ERBB4: variants seen among roughly 807,000 people sequenced by gnomAD.
ERBB4 encodes erb-b2 receptor tyrosine kinase 4, also known as receptor tyrosine-protein kinase erbB-4.
In ERBB4, 42 loss-of-function variants were observed where a neutral mutation model predicts 158.0. The observed-to-expected ratio is 0.27, with a 90% CI of 0.21 to 0.34. The LOEUF (loss-of-function observed/expected upper bound fraction) is 0.34, where lower values mean the gene tolerates loss of function less well. ERBB4 is among the 10% of genes least tolerant of loss of function. The pLI, the probability that ERBB4 is intolerant of heterozygous loss-of-function variation, is 1.00. For synonymous variants in ERBB4, 583 were observed against 558.7 expected (o/e 1.04, Z -0.61); for missense variants, 1,333 against 1,624.1 (o/e 0.82, Z 3.08).
intron 20 of ERBB4, among the ~76,000 whole-genome samples, chr2:211,486,879 T>C (rs1287336902): frequency 6.6e-6 from 1 of 152,090 alleles, no homozygotes; most frequent in Admixed American, 6.6e-5. Flanking sequence ...TTTTGTTTTA[T>C]TCAGGTTGAT....
In ERBB4 at chr2:212,198,877, C is replaced by T. The variant is rs72941705; in HGVS notation, c.83-73974G>A. ...GGATTACAGACATGAACCACCACACCTAGCCTATAACACATTTTTTATCCC... is the reference window on the plus strand; with the variant it reads ...GGATTACAGACATGAACCACCACACTTAGCCTATAACACATTTTTTATCCC... On this transcript the variant is annotated intron_variant, in intron 1 of 27. Coordinates refer to ENST00000342788, the MANE Select transcript of ERBB4 (RefSeq NM_005235.3). Among the ~76,000 whole-genome samples, 1,371 of 152,070 alleles carry T rather than the reference C, an allele frequency of 9.0e-3. 14 individuals carry two copies. The highest frequency in any genetic ancestry group is 0.013 in the Non-Finnish European group (857 of 67,980).
intron 1 of ERBB4, among the ~76,000 whole-genome samples, chr2:212,450,652 T>C (rs1159851365): frequency 6.6e-6 from 1 of 152,126 alleles, no homozygotes; most frequent in African/African-American, 2.4e-5. Context: ...TTTGAGCCAC[T>C]ATGTTCTTAG....
Position 212,091,107 on chromosome 2 carries a change from T to G in ERBB4, c.234+33645A>C, listed in dbSNP as rs142189349. The stretch of plus-strand genomic sequence containing the variant: ...CCTGACTTTCTGTATACAAAATGTG[T>G]AAATGTCTATACAGAAAACAGAATG... On this transcript the variant is annotated intron_variant, in intron 2 of 27. Coordinates refer to ENST00000342788, the MANE Select transcript of ERBB4 (RefSeq NM_005235.3). Among the ~76,000 whole-genome samples the G allele has an allele frequency of 9.7e-4, 148 of 151,998 alleles. 1 individual carries two copies. The highest frequency in any genetic ancestry group is 3.1e-3 in the African/African-American group (129 of 41,446).
chr2:211,732,010 A>ATT lies in ERBB4; in HGVS notation c.623-6818_623-6817dup, dbSNP rs111911983. 3.4e-5 allele frequency among the ~76,000 whole-genome samples: 5 copies of ATT among 146,700 alleles called. No individual in the cohort carries two copies. In the East Asian group the frequency reaches 7.9e-4, roughly 23 times the overall value. On this transcript the variant is annotated intron_variant, in intron 5 of 27. Transcript: ENST00000342788. ...GTCTGGGGAAGGTGTCAGAAAATTC[A>ATT]TTTTTTTTTTTTATTTGGAGCCTTA...
chr2:212,528,690 A>C (rs545582849), intron 1 of ERBB4, among the ~76,000 whole-genome samples: 6 of 152,184 alleles, frequency 3.9e-5, no homozygotes, highest in Non-Finnish European at 8.8e-5. Context: ...GTTCTTTAGA[A>C]TCTGGTAACC....
chr2:211,851,847 AAG>A (rs1486567938), intron 3 of ERBB4, among the ~76,000 whole-genome samples: 1 of 151,878 alleles, frequency 6.6e-6, no homozygotes, highest in Non-Finnish European at 1.5e-5. Flanking sequence ...TCAAAAGCTA[AAG>A]AGATATGAGC....
At chr2:212,095,569 T>C (rs151030912) in intron 2 of ERBB4, among the ~76,000 whole-genome samples, 141 of 152,276 alleles carry the variant, frequency 9.3e-4, no homozygotes, top group African/African-American at 3.3e-3. Context: ...TGTGACTCGA[T>C]TGCTAATGAA....
rs150757966 is a variant in ERBB4 at position 211,947,469 on chromosome 2, T to C, written c.382A>G (p.Asn128Asp). The C allele has an allele frequency of 1.2e-6, 2 of 1,613,790 alleles. No homozygotes were observed. The highest frequency in any genetic ancestry group is 8.5e-7 in the Non-Finnish European group (1 of 1,179,916). Residue 128 changes from asparagine to aspartate, a missense_variant, in exon 3 of 28, where the codon AAC (asparagine) becomes GAC (aspartate). By Grantham distance (23) the Asn-to-Asp change is conservative. This residue lies in a region of ERBB4 where 438 missense variants were observed against 586.9 expected (regional missense o/e 0.75). Transcript: ENST00000342788. The stretch of plus-strand genomic sequence containing the variant: ...AATCCAAGTTCTTGAAGTCCAAAGT[T>C]TCCATCTTTTCTGTAGTTTAAAAAT... ...AIFLNYRKDG[N>D]FGLQELGLKN...
intron 19 of ERBB4, among the ~76,000 whole-genome samples, chr2:211,578,616 A>G (rs1313567901): frequency 1.3e-5 from 2 of 152,160 alleles, no homozygotes; most frequent in Admixed American, 1.3e-4. Context: ...ACATAGACCA[A>G]TGGAACAGAA....
At chr2:212,536,596 C>T (rs555180608) in intron 1 of ERBB4, among the ~76,000 whole-genome samples, 1 of 152,150 alleles carries the variant, frequency 6.6e-6, no homozygotes, top group African/African-American at 2.4e-5. Flanking sequence ...CGAGAAGAGA[C>T]GAAGCGAGGG....
At chr2:211,684,008 G>A (rs780625919) in intron 12 of ERBB4, among the ~76,000 whole-genome samples, 23 of 151,660 alleles carry the variant, frequency 1.5e-4, no homozygotes, top group African/African-American at 3.6e-4. Context: ...ATGTTTCTTC[G>A]TATTTTTGAC....
chr2:211,877,969 A>T (rs551446056), intron 3 of ERBB4, among the ~76,000 whole-genome samples: 1 of 152,206 alleles, frequency 6.6e-6, no homozygotes, highest in South Asian at 2.1e-4. Flanking sequence ...TTAGCGTGGC[A>T]TGGTGGTGGG....
intron 25 of ERBB4, among the ~76,000 whole-genome samples, chr2:211,405,653 T>A (rs1406194587): frequency 6.6e-6 from 1 of 152,172 alleles, no homozygotes; most frequent in Non-Finnish European, 1.5e-5. Flanking sequence ...GAAATTCACA[T>A]TTCCTGCCTT....
rs139718341 is a variant in ERBB4 at position 211,377,952 on chromosome 2, G to C, written c.*5663C>G. ...AGTTCACTTAAACAGTGTCCAAATTGCTAGAATCTCTTATGAAAAAATCAG... is the reference window on the plus strand; with the variant it reads ...AGTTCACTTAAACAGTGTCCAAATTCCTAGAATCTCTTATGAAAAAATCAG... On this transcript the variant is annotated 3_prime_UTR_variant, in exon 28 of 28. Transcript: ENST00000342788. 208 of 232,808 alleles carry C rather than the reference G, an allele frequency of 8.9e-4. No homozygotes were observed. Among genetic ancestry groups the C allele is most frequent in the African/African-American group, 4.1e-3 (187 of 45,398 alleles). The allele number at this position is 232,808 out of a possible 1,614,324, so 14.4% of individuals were successfully genotyped here.
intron 1 of ERBB4, among the ~76,000 whole-genome samples, chr2:212,152,873 GA>G (rs753338112): frequency 1.6e-4 from 24 of 152,264 alleles, no homozygotes; most frequent in Non-Finnish European, 2.9e-4. Context: ...CTGGTCAACA[GA>G]ATGTACACAG....
In ERBB4 at chr2:211,775,128, T is replaced by C. The variant is rs149715215; in HGVS notation, c.556+12897A>G. ...CTTACAGGGGAATTAAGTAATTCTT[T>C]GGGTAAGTTTAAAATTGAACTAAGG... is the stretch of plus-strand genomic sequence containing the variant. On this transcript the variant is annotated intron_variant, in intron 4 of 27. Transcript: ENST00000342788. Among the ~76,000 whole-genome samples the C allele has an allele frequency of 6.8e-4, 104 of 152,300 alleles. 1 individual carries two copies. The highest frequency in any genetic ancestry group is 2.3e-3 in the African/African-American group (97 of 41,568).
At chr2:212,538,337 T>C in intron 1 of ERBB4, 112 bp downstream of exon 1, 1 of 926,504 alleles carries the variant, frequency 1.1e-6, no homozygotes, top group South Asian at 1.3e-5. Context: ...GAGGCCCCGG[T>C]CAAGCGGTCC....
intron 20 of ERBB4, among the ~76,000 whole-genome samples, chr2:211,543,151 C>A (rs2066858271): frequency 6.6e-6 from 1 of 151,770 alleles, no homozygotes; most frequent in African/African-American, 2.4e-5. Context: ...AGTAGTCCAC[C>A]CCTATTAAGT....
intron 19 of ERBB4, among the ~76,000 whole-genome samples, chr2:211,564,848 C>A (rs1305837825): frequency 1.3e-5 from 2 of 151,974 alleles, no homozygotes; most frequent in African/African-American, 4.8e-5. Flanking sequence ...GGAAAGGTGA[C>A]CCAAGAAGAT....
Sources: gnomAD v4.1 joint callset for allele counts (sites outside exome capture counted in the v4.1 genomes callset) on GRCh38, gnomAD v4.1.1 for gene constraint, gnomAD v4.1.1 regional missense constraint, MANE v1.5 for transcripts, NCBI Gene and HGNC (gene_info 2026-07-23, HGNC 2026-07-21) for gene names.